Variants in TBC1D31 observed in about 807,000 individuals in gnomAD.
TBC1D31 encodes the protein WD repeat domain 67.
Under a neutral mutation model 132.9 loss-of-function variants are expected in TBC1D31, and 99 were observed. The ratio of observed to expected loss-of-function variants is 0.74; its 90% CI spans 0.63 to 0.88. The LOEUF is 0.88. TBC1D31 is among the 40% of genes least tolerant of loss of function. The pLI is 0.00. For missense variants in TBC1D31, 1,134 were observed against 1,256.6 expected (o/e 0.90, Z 1.48); for synonymous variants, 385 against 419.4 (o/e 0.92, Z 1.00).
intron 13 of TBC1D31, among the ~76,000 whole-genome samples, 157 bp downstream of exon 13, chr8:123,126,844 C>T (rs902821707): frequency 6.6e-6 from 1 of 151,826 alleles, no homozygotes; most frequent in Non-Finnish European, 1.5e-5. Context: ...CAAGTTCAAG[C>T]GATTCTCCTG....
intron 21 of TBC1D31, among the ~76,000 whole-genome samples, chr8:123,150,572 C>G (rs562014446): frequency 2.0e-5 from 3 of 152,326 alleles, no homozygotes; most frequent in African/African-American, 7.2e-5. Context: ...AAACATGTGT[C>G]TGCCCTGGGC....
At position 123,125,998 on chromosome 8, in the gene TBC1D31, G is replaced by A. The variant is rs1036774573; in HGVS notation, c.1571-58G>A. On this transcript the variant is annotated intron_variant, in intron 11 of 21. Transcript: ENST00000287380. ...ATTGGATACATTTAAGAATTGCAAA[G>A]AGTTTTGATAACATGGAAAGATATT... The A allele has an allele frequency of 4.4e-5, 60 of 1,371,518 alleles. No homozygotes were observed. The African/African-American group carries it at 8.4e-4, about 19-fold the overall frequency. 85.0% of individuals were successfully genotyped at this position (1,371,518 alleles called of 1,614,324 possible).
the TBC1D31 span, among the ~76,000 whole-genome samples, chr8:123,159,193 T>A: frequency 1.4e-5 from 2 of 147,560 alleles, no homozygotes; most frequent in Non-Finnish European, 1.5e-5. Context: ...GGTGTAGCAG[T>A]CCCAGGACTG....
At chr8:123,158,125 C>G in the TBC1D31 span, among the ~76,000 whole-genome samples, 2 of 151,154 alleles carry the variant, frequency 1.3e-5, no homozygotes, top group African/African-American at 4.9e-5. Flanking sequence ...CCCTTTCACT[C>G]CCCTCCCCTT....
intron 20 of TBC1D31, among the ~76,000 whole-genome samples, chr8:123,147,131 T>C (rs1328369558): frequency 6.6e-6 from 1 of 151,688 alleles, no homozygotes; most frequent in Non-Finnish European, 1.5e-5. Context: ...ATGGGAGCTG[T>C]CACTTCTCCC....
At chr8:123,140,932 A>G in intron 18 of TBC1D31, 31 bp downstream of exon 18, 1 of 1,598,440 alleles carries the variant, frequency 6.3e-7, no homozygotes, top group Non-Finnish European at 8.5e-7. Flanking sequence ...GTATACATGC[A>G]GAGGAGAAAT....
At chr8:123,139,473 G>A (rs1193812306) in intron 17 of TBC1D31, among the ~76,000 whole-genome samples, 3 of 152,194 alleles carry the variant, frequency 2.0e-5, no homozygotes, top group Non-Finnish European at 2.9e-5. Flanking sequence ...GTCAGCAAAT[G>A]ATTGAACAGA....
intron 10 of TBC1D31, 109 bp downstream of exon 10, chr8:123,109,729 T>C (rs1346558950): frequency 2.0e-6 from 2 of 1,017,760 alleles, no homozygotes; most frequent in African/African-American, 1.6e-5. Flanking sequence ...ATTATCCTTA[T>C]GTGATATGTT....
intron 4 of TBC1D31, among the ~76,000 whole-genome samples, chr8:123,090,059 C>T (rs928047936): frequency 6.6e-6 from 1 of 152,182 alleles, no homozygotes; most frequent in Non-Finnish European, 1.5e-5. Flanking sequence ...CCAGTCTAAC[C>T]TCTTTCCGCT....
Position 123,152,031 on chromosome 8 carries a change from G to C in TBC1D31, c.*92G>C. ...ATTATTTATTTAAAATTCCTATAAA[G>C]ATCAGCCCTTTGTACAGAAAAATGT... is the stretch of plus-strand genomic sequence containing the variant. On this transcript the variant is annotated 3_prime_UTR_variant, in exon 22 of 22. Coordinates refer to ENST00000287380, the MANE Select transcript of TBC1D31 (RefSeq NM_145647.4). The C allele has an allele frequency of 8.2e-7, 1 of 1,223,512 alleles. No individual in the cohort carries two copies. The highest frequency in any genetic ancestry group is 1.1e-6 in the Non-Finnish European group (1 of 940,976). The allele number at this position is 1,223,512 out of a possible 1,614,324, so 75.8% of individuals were successfully genotyped here. A position where few individuals can be genotyped will look rare whatever the true frequency, so the allele number is the denominator to read the frequency against.
At chr8:123,073,847 G>A (rs1325588146) in intron 1 of TBC1D31, among the ~76,000 whole-genome samples, 1 of 150,650 alleles carries the variant, frequency 6.6e-6, no homozygotes. Flanking sequence ...CACTACGCCC[G>A]GCTAATTTTT....
intron 19 of TBC1D31, among the ~76,000 whole-genome samples, 175 bp from the exon 20 acceptor site, chr8:123,144,542 C>G (rs1014630376): frequency 6.6e-6 from 1 of 152,114 alleles, no homozygotes; most frequent in South Asian, 2.1e-4. Context: ...TTTCAAGGCT[C>G]TTAATAGCCT....
intron 4 of TBC1D31, among the ~76,000 whole-genome samples, chr8:123,087,141 C>T (rs1313207617): frequency 6.6e-6 from 1 of 152,188 alleles, no homozygotes; most frequent in Non-Finnish European, 1.5e-5. Flanking sequence ...TTCAAATGAG[C>T]ACACAGGCCC....
chr8:123,083,079 G>T lies in TBC1D31; in HGVS notation c.340+262G>T, dbSNP rs895387095. 1.2e-5 allele frequency: 4 copies of T among 327,910 alleles called. No homozygotes were observed. In the Admixed American group the frequency reaches 1.4e-4, roughly 12 times the overall value. 20.3% of individuals were successfully genotyped at this position (327,910 alleles called of 1,614,324 possible). A position where few individuals can be genotyped will look rare whatever the true frequency, so the allele number is the denominator to read the frequency against. ...CAGGAAAGCACTACACTTAATGACA[G>T]TTTTAATATAACAAAAGGATACAAA... On this transcript the variant is annotated intron_variant, in intron 3 of 21. Transcript: ENST00000287380.
At chr8:123,138,178 C>T (rs1821279518) in intron 17 of TBC1D31, among the ~76,000 whole-genome samples, 1 of 152,094 alleles carries the variant, frequency 6.6e-6, no homozygotes, top group Non-Finnish European at 1.5e-5. Flanking sequence ...TGCTTGTCTT[C>T]TTCGCTTAAT....
the TBC1D31 span, among the ~76,000 whole-genome samples, chr8:123,163,358 T>A: frequency 4.8e-5 from 6 of 124,436 alleles, no homozygotes; most frequent in African/African-American, 1.8e-4. Flanking sequence ...ACTTTATCAC[T>A]TTAACCTTTT....
intron 20 of TBC1D31, among the ~76,000 whole-genome samples, chr8:123,149,212 G>A (rs1822546267): frequency 6.7e-6 from 1 of 150,170 alleles, no homozygotes; most frequent in South Asian, 2.1e-4. Flanking sequence ...GATGTTTGAA[G>A]ATGACTCTTA....
At chr8:123,096,568 TTATTTGTTTGTTTGCCTTCCTC>T (rs1330009095) in intron 5 of TBC1D31, among the ~76,000 whole-genome samples, 8 of 152,214 alleles carry the variant, frequency 5.3e-5, no homozygotes, top group African/African-American at 1.7e-4. Flanking sequence ...TCAAGTTCAT[TTATTTGTTTGTTTGCCTTCCTC>T]TAGACCAGAA....
intron 4 of TBC1D31, among the ~76,000 whole-genome samples, chr8:123,092,450 A>G (rs902064077): frequency 6.6e-6 from 1 of 152,160 alleles, no homozygotes; most frequent in African/African-American, 2.4e-5. Flanking sequence ...TTTACTCTAT[A>G]TATAGTATAT....
Sources: gnomAD v4.1 joint callset for allele counts (sites outside exome capture counted in the v4.1 genomes callset) on GRCh38, gnomAD v4.1.1 for gene constraint, MANE v1.5 for transcripts, NCBI Gene and HGNC (gene_info 2026-07-23, HGNC 2026-07-21) for gene names.